WDR47: variants seen among roughly 807,000 people sequenced by gnomAD.
The protein encoded by WDR47 is WD repeat-containing protein 47.
WDR47 carries 32 observed loss-of-function variants against 97.2 expected under a neutral mutation model. That is an observed-to-expected ratio of 0.33 (90% CI 0.25 to 0.44). The LOEUF is 0.44. Ranked by LOEUF, WDR47 falls within the 20% of genes least tolerant of loss-of-function variation. The pLI is 1.00. For synonymous variants in WDR47, 375 were observed against 373.5 expected (o/e 1.00, Z -0.05); for missense variants, 782 against 1,102.3 (o/e 0.71, Z 4.11).
At chr1:109,009,861 G>A (rs1660901298) in intron 5 of WDR47, among the ~76,000 whole-genome samples, 1 of 152,020 alleles carries the variant, frequency 6.6e-6, no homozygotes, top group African/African-American at 2.4e-5. Context: ...AGTTGGGCGT[G>A]GTGGCGGGTG....
At chr1:109,011,809 T>C in intron 4 of WDR47, 91 bp from the exon 5 acceptor site, 2 of 1,186,318 alleles carry the variant, frequency 1.7e-6, no homozygotes, top group Non-Finnish European at 2.3e-6. Context: ...TAAATTATAT[T>C]GCCACAGAAT....
chr1:109,004,520 C>T (rs1660442812), intron 6 of WDR47, 72 bp downstream of exon 6: 1 of 1,466,644 alleles, frequency 6.8e-7, no homozygotes, highest in Non-Finnish European at 9.1e-7. Flanking sequence ...ATTCTTTTTA[C>T]ATTCTAAGTA....
At chr1:109,014,017 T>C in intron 3 of WDR47, 92 bp from the exon 4 acceptor site, 1 of 885,990 alleles carries the variant, frequency 1.1e-6, no homozygotes, top group Non-Finnish European at 1.7e-6. Flanking sequence ...TTTAGGAAAA[T>C]TATTCAAATA....
intron 6 of WDR47, among the ~76,000 whole-genome samples, chr1:109,003,150 T>G (rs764104021): frequency 2.0e-4 from 30 of 152,204 alleles, no homozygotes; most frequent in Non-Finnish European, 4.0e-4. Context: ...GTTTTATACA[T>G]GTCTGTCAGG....
Position 109,013,932 on chromosome 1 carries a change from GA to G in WDR47, c.243-8del, listed in dbSNP as rs761855588. On this transcript the variant is annotated splice_region_variant and splice_polypyrimidine_tract_variant and intron_variant, in intron 3 of 14. Coordinates refer to ENST00000369962, the MANE Select transcript of WDR47 (RefSeq NM_001142551.2). Reference sequence around the variant, plus strand: ...CAGGATAATATAACGAAACCTGTGGGAAAAAAATGAAGCATTAATTTTTCCA... The same window carrying G: ...CAGGATAATATAACGAAACCTGTGGGAAAAAATGAAGCATTAATTTTTCCA... 2.8e-5 allele frequency: 44 copies of G among 1,590,806 alleles called. No individual in the cohort carries two copies. The highest frequency in any genetic ancestry group is 3.3e-4 in the Middle Eastern group (2 of 6,018).
rs199821610 is a variant in WDR47 at position 109,010,578 on chromosome 1, A to AT, written c.1130+337dup. Among the ~76,000 whole-genome samples, 796 of 101,690 alleles carry AT rather than the reference A, an allele frequency of 7.8e-3. 21 individuals are homozygous for AT. The highest frequency in any genetic ancestry group is 0.018 in the African/African-American group (474 of 25,974). 66.7% of individuals were successfully genotyped at this position (101,690 alleles called of 152,430 possible). The stretch of plus-strand genomic sequence containing the variant: ...ATCTCAAACTTCTGAAGATTTCCTA[A>AT]TTTTTTTTTTTTTTTTTTTTTTGAG... On this transcript the variant is annotated intron_variant, in intron 5 of 14. Coordinates refer to ENST00000369962, the MANE Select transcript of WDR47 (RefSeq NM_001142551.2).
chr1:109,006,068 T>C (rs986393620), intron 5 of WDR47, among the ~76,000 whole-genome samples: 1 of 152,032 alleles, frequency 6.6e-6, no homozygotes, highest in African/African-American at 2.4e-5. Flanking sequence ...TATGTTTCTA[T>C]AGATTTTTAA....
chr1:108,982,989 TTATCCCAAAGAAAAAGAAGACA>T (rs1321277122), intron 11 of WDR47, among the ~76,000 whole-genome samples: 3 of 152,148 alleles, frequency 2.0e-5, no homozygotes, highest in Admixed American at 6.5e-5. Flanking sequence ...ATCTTGTCTC[TTATCCCAAAGAAAAAGAAGACA>T]AGTGATCTCT....
Position 108,995,822 on chromosome 1 carries a change from A to T in WDR47, c.1449T>A (p.Leu483=). Residue 483 remains leucine (L), a synonymous_variant, in exon 8 of 15, where the codon CTT becomes CTA. Transcript: ENST00000369962. ...CATCCATTCCAATATTTAATTCACC[A>T]AGCTTTTGAATGGACCTATAAAATT... is the stretch of plus-strand genomic sequence containing the variant. ...EQFLNRSIQK[L]GELNIGMDGL... 6.2e-7 allele frequency: 1 copy of T among 1,613,952 alleles called. No individual in the cohort carries two copies. The highest frequency in any genetic ancestry group is 8.5e-7 in the Non-Finnish European group (1 of 1,179,880).
Position 108,981,768 on chromosome 1 carries a change from C to G in WDR47, c.2363G>C (p.Cys788Ser), listed in dbSNP as rs777315821. 1 of 1,613,598 alleles carries G rather than the reference C, an allele frequency of 6.2e-7. No individual in the cohort carries two copies. Among genetic ancestry groups the G allele is most frequent in the Non-Finnish European group, 8.5e-7 (1 of 1,179,826 alleles). The change falls in exon 13 of 15, where the codon TGT becomes TCT. Residue 788 changes from cysteine to serine, a missense_variant. Coordinates refer to ENST00000369962, the MANE Select transcript of WDR47 (RefSeq NM_001142551.2). ...VRFWDLRVPS[C>S]VRVVGTTFHG... ...AAATGTTGTGCCAACAACACGAACA[C>G]AACTTGGTACTCGAAGATCCCAAAA... is the stretch of plus-strand genomic sequence containing the variant.
intron 13 of WDR47, among the ~76,000 whole-genome samples, chr1:108,979,225 C>T (rs987657796): frequency 2.6e-5 from 4 of 151,966 alleles, no homozygotes; most frequent in African/African-American, 9.7e-5. Context: ...ATAGAAACTA[C>T]ACAAATAAAC....
In WDR47 at chr1:109,023,383, G is replaced by A; in HGVS notation, c.130C>T (p.Leu44=). ...AGGAAAAGCATATCATCTGAAAACA[G>A]GCCATTTATGACTCCACTTTCCTTC... is the stretch of plus-strand genomic sequence containing the variant. ...LEKESGVING[L]FSDDMLFLRQ... is the part of the protein sequence containing the mutation. The change falls in exon 2 of 15, where the codon CTG becomes TTG. Residue 44 remains leucine, a synonymous_variant. Coordinates refer to ENST00000369962, the MANE Select transcript of WDR47 (RefSeq NM_001142551.2). 1.9e-6 allele frequency: 3 copies of A among 1,613,566 alleles called. No homozygotes were observed. Among genetic ancestry groups the A allele is most frequent in the Non-Finnish European group, 2.5e-6 (3 of 1,179,818 alleles).
chr1:108,971,177 A>G lies in WDR47; in HGVS notation c.*253T>C. 1 of 422,224 alleles carries G rather than the reference A, an allele frequency of 2.4e-6. No individual in the cohort carries two copies. The highest frequency in any genetic ancestry group is 4.2e-6 in the Non-Finnish European group (1 of 235,356). The allele number at this position is 422,224 out of a possible 1,614,324, so 26.2% of individuals were successfully genotyped here. A position where few individuals can be genotyped will look rare whatever the true frequency, so the allele number is the denominator to read the frequency against. Reference sequence around the variant, plus strand: ...GACTTGGAGTGCACACCAACAACTGAAGAGCTCTTCTGCAGACTTTGGCAA... The same window carrying G: ...GACTTGGAGTGCACACCAACAACTGGAGAGCTCTTCTGCAGACTTTGGCAA... On this transcript the variant is annotated 3_prime_UTR_variant, in exon 15 of 15. Coordinates refer to ENST00000369962, the MANE Select transcript of WDR47 (RefSeq NM_001142551.2).
At chr1:109,002,596 C>T (rs1660300659) in intron 6 of WDR47, among the ~76,000 whole-genome samples, 194 bp from the exon 7 acceptor site, 1 of 152,022 alleles carries the variant, frequency 6.6e-6, no homozygotes, top group Non-Finnish European at 1.5e-5. Flanking sequence ...TGCTTTATTC[C>T]ACGGAAACAG....
At chr1:108,995,479 G>A in intron 8 of WDR47, 101 bp downstream of exon 8, 1 of 1,406,780 alleles carries the variant, frequency 7.1e-7, no homozygotes, top group Non-Finnish European at 9.6e-7. Context: ...TAGGCAGTAA[G>A]CTCTAAAAAC....
chr1:109,011,976 C>T lies in WDR47; in HGVS notation c.328-258G>A, dbSNP rs1394420279. ...AATTCAGGCATAAGACAGGATCTCA[C>T]TCTGCTGCCCACGCTGGAGTGCAGG... On this transcript the variant is annotated intron_variant, in intron 4 of 14. Coordinates refer to ENST00000369962, the MANE Select transcript of WDR47 (RefSeq NM_001142551.2). Among the ~76,000 whole-genome samples, 6 of 152,242 alleles carry T rather than the reference C, an allele frequency of 3.9e-5. No homozygotes were observed. The East Asian group carries it at 1.2e-3, about 29-fold the overall frequency.
chr1:108,992,909 T>A, intron 8 of WDR47: 3 of 967,176 alleles, frequency 3.1e-6, no homozygotes, highest in South Asian at 1.4e-5. Flanking sequence ...GTGAGGAAAT[T>A]GCTAAATAAT....
At chr1:108,973,776 C>T (rs188777402) in intron 14 of WDR47, among the ~76,000 whole-genome samples, 44 of 151,854 alleles carry the variant, frequency 2.9e-4, no homozygotes, top group African/African-American at 9.9e-4. Context: ...TCCAGCTATT[C>T]GGAGGCTGAG....
chr1:109,013,078 T>C (rs984138742), intron 4 of WDR47, among the ~76,000 whole-genome samples: 1 of 152,106 alleles, frequency 6.6e-6, no homozygotes, highest in Non-Finnish European at 1.5e-5. Context: ...ATTAGATTAG[T>C]GCCCATATAA....
Sources: gnomAD v4.1 joint callset for allele counts (sites outside exome capture counted in the v4.1 genomes callset) on GRCh38, gnomAD v4.1.1 for gene constraint, MANE v1.5 for transcripts, NCBI Gene and HGNC (gene_info 2026-07-23, HGNC 2026-07-21) for gene names.